SLC9A8: variants seen among roughly 807,000 people sequenced by gnomAD.
SLC9A8 encodes solute carrier family 9 member A8, also known as sodium/hydrogen exchanger 8.
SLC9A8 carries 48 observed loss-of-function variants against 66.6 expected under a neutral mutation model. The observed-to-expected ratio is 0.72, with a 90% CI of 0.57 to 0.92. The LOEUF is 0.92. Ranked by LOEUF, SLC9A8 falls within the 40% of genes least tolerant of loss-of-function variation. The pLI is 0.00. For missense variants in SLC9A8, 599 were observed against 747.3 expected (o/e 0.80, Z 2.31); for synonymous variants, 274 against 282.6 (o/e 0.97, Z 0.31).
intron 3 of SLC9A8, among the ~76,000 whole-genome samples, chr20:49,832,492 C>T (rs1019065441): frequency 6.6e-6 from 1 of 152,160 alleles, no homozygotes; most frequent in African/African-American, 2.4e-5. Context: ...AATTTCTTAT[C>T]CCTCTACATG....
At position 49,889,450 on chromosome 20, in the gene SLC9A8, G is replaced by A. The variant is rs969623367; in HGVS notation, c.*1514G>A. On this transcript the variant is annotated 3_prime_UTR_variant, in exon 16 of 16. Transcript: ENST00000361573. ...ATCTCCATCTCTTCCACCTCAGGCA[G>A]TGTGGCTCCAGATGTCAGGAGGGAC... 2.1e-4 allele frequency: 32 copies of A among 152,272 alleles called. No homozygotes were observed. Among genetic ancestry groups the A allele is most frequent in the African/African-American group, 7.7e-4 (32 of 41,446 alleles). The allele number at this position is 152,272 out of a possible 1,614,324, so 9.4% of individuals were successfully genotyped here.
intron 13 of SLC9A8, among the ~76,000 whole-genome samples, chr20:49,883,311 G>T (rs1032891932): frequency 6.6e-6 from 1 of 152,146 alleles, no homozygotes; most frequent in East Asian, 1.9e-4. Flanking sequence ...ACAGCATCTC[G>T]AGATAGGAGG....
chr20:49,849,701 A>G, intron 6 of SLC9A8, 21 bp downstream of exon 6: 2 of 1,559,236 alleles, frequency 1.3e-6, no homozygotes, highest in Non-Finnish European at 8.8e-7. Flanking sequence ...CATCTTTGAA[A>G]CACTTTGAAA....
At chr20:49,839,202 T>C (rs1202541290) in intron 3 of SLC9A8, among the ~76,000 whole-genome samples, 1 of 152,222 alleles carries the variant, frequency 6.6e-6, no homozygotes, top group Non-Finnish European at 1.5e-5. Flanking sequence ...CAAACTTAGC[T>C]TGTAAACTCT....
chr20:49,880,188 C>G lies in SLC9A8; in HGVS notation c.1159-736C>G, dbSNP rs143330200. 1.9e-3 allele frequency among the ~76,000 whole-genome samples: 273 copies of G among 146,700 alleles called. 1 individual carries two copies. Among genetic ancestry groups the G allele is most frequent in the African/African-American group, 6.6e-3 (258 of 39,086 alleles). The stretch of plus-strand genomic sequence containing the variant: ...TTAAGGTGGGAGGATCACTGGAGCC[C>G]AGGAGGTTGAGGTTGCATTGAGCCA... On this transcript the variant is annotated intron_variant, in intron 12 of 15. Transcript: ENST00000361573.
intron 10 of SLC9A8, among the ~76,000 whole-genome samples, chr20:49,865,647 T>C (rs1015273838): frequency 6.6e-6 from 1 of 152,110 alleles, no homozygotes; most frequent in Non-Finnish European, 1.5e-5. Context: ...AGCGTAATGA[T>C]CTTGGAGCCG....
intron 10 of SLC9A8, among the ~76,000 whole-genome samples, chr20:49,868,087 T>C (rs1393244109): frequency 6.6e-6 from 1 of 152,264 alleles, no homozygotes; most frequent in Admixed American, 6.5e-5. Context: ...CATTCGGCTC[T>C]AGCCTAGCTA....
intron 13 of SLC9A8, among the ~76,000 whole-genome samples, chr20:49,882,138 C>T (rs2089648327): frequency 6.6e-6 from 1 of 152,208 alleles, no homozygotes; most frequent in Non-Finnish European, 1.5e-5. Flanking sequence ...CCACAAAACA[C>T]CAGCAACTTC....
chr20:49,874,276 T>TG (rs910919793), intron 10 of SLC9A8, among the ~76,000 whole-genome samples: 110 of 150,354 alleles, frequency 7.3e-4, no homozygotes, highest in South Asian at 3.0e-3. Context: ...AAAAAAAGGG[T>TG]GGGGGGGTAG....
intron 8 of SLC9A8, among the ~76,000 whole-genome samples, chr20:49,857,489 G>A (rs1452721120): frequency 1.5e-4 from 23 of 152,160 alleles, no homozygotes; most frequent in Admixed American, 2.6e-4. Context: ...AGGCTGAGGC[G>A]GATGGATCAC....
At chr20:49,858,173 G>T (rs993687913) in intron 8 of SLC9A8, among the ~76,000 whole-genome samples, 12 of 151,916 alleles carry the variant, frequency 7.9e-5, no homozygotes, top group African/African-American at 2.4e-4. Flanking sequence ...TACTGGTTAC[G>T]GTGTATTCCT....
chr20:49,826,312 T>C (rs1475142174), intron 3 of SLC9A8, among the ~76,000 whole-genome samples: 1 of 152,172 alleles, frequency 6.6e-6, no homozygotes, highest in African/African-American at 2.4e-5. Context: ...TGGAGCAAAG[T>C]GTAACAAAAT....
At chr20:49,837,366 C>A (rs183390778) in intron 3 of SLC9A8, among the ~76,000 whole-genome samples, 1 of 152,280 alleles carries the variant, frequency 6.6e-6, no homozygotes, top group East Asian at 1.9e-4. Context: ...AAATAAACTT[C>A]CTAACTTGAC....
chr20:49,870,784 C>T (rs1394121113), intron 10 of SLC9A8, among the ~76,000 whole-genome samples: 1 of 152,208 alleles, frequency 6.6e-6, no homozygotes, highest in Non-Finnish European at 1.5e-5. Context: ...TCACTGCAGC[C>T]TTGACCTCCC....
intron 1 of SLC9A8, 48 bp downstream of exon 1, chr20:49,812,996 G>A (rs1366519549): frequency 1.8e-5 from 25 of 1,365,842 alleles, no homozygotes; most frequent in Admixed American, 3.7e-5. Context: ...GCTGGGCCCC[G>A]GCGGGTGACA....
chr20:49,813,914 T>C lies in SLC9A8; in HGVS notation c.26+966T>C, dbSNP rs145175193. ...GACGGGCTGTGTCCTCCAGGTACTT[T>C]TGGGCAAGTCCAAAAGTCATCTCCA... On this transcript the variant is annotated intron_variant, in intron 1 of 15. Transcript: ENST00000361573. Among the ~76,000 whole-genome samples the C allele has an allele frequency of 8.6e-3, 1,306 of 152,300 alleles. 9 individuals are homozygous for C. The highest frequency in any genetic ancestry group is 0.014 in the Non-Finnish European group (932 of 68,018).
intron 8 of SLC9A8, among the ~76,000 whole-genome samples, chr20:49,862,535 A>G (rs2088785633): frequency 6.6e-6 from 1 of 152,170 alleles, no homozygotes; most frequent in Non-Finnish European, 1.5e-5. Flanking sequence ...TGCTGGGATT[A>G]CAGGTGTGAG....
chr20:49,820,916 G>T (rs1335997055), intron 2 of SLC9A8, among the ~76,000 whole-genome samples: 3 of 152,080 alleles, frequency 2.0e-5, no homozygotes, highest in Non-Finnish European at 4.4e-5. Flanking sequence ...AGTTTCCCTT[G>T]TGACTATTGA....
At chr20:49,846,768 G>A (rs1404895687) in intron 5 of SLC9A8, among the ~76,000 whole-genome samples, 2 of 151,974 alleles carry the variant, frequency 1.3e-5, no homozygotes, top group African/African-American at 4.8e-5. Flanking sequence ...ACAAAAATTA[G>A]CTGGTCGTGG....
Sources: gnomAD v4.1 joint callset for allele counts (sites outside exome capture counted in the v4.1 genomes callset) on GRCh38, gnomAD v4.1.1 for gene constraint, MANE v1.5 for transcripts, NCBI Gene and HGNC (gene_info 2026-07-23, HGNC 2026-07-21) for gene names.